The following DDX5 variants were observed in gnomAD, a reference collection of about 807,000 sequenced individuals.
DDX5 encodes the protein DEAD-box helicase 5, also known as probable ATP-dependent RNA helicase DDX5.
Under a neutral mutation model 68.6 loss-of-function variants are expected in DDX5, and 6 were observed. The observed-to-expected ratio is 0.09, with a 90% confidence interval of 0.05 to 0.17. The LOEUF (loss-of-function observed/expected upper bound fraction) is 0.17, where lower values mean the gene tolerates loss of function less well. Among genes scored for constraint, DDX5 ranks in the 10% least tolerant of loss-of-function variants. The probability of loss-of-function intolerance (pLI) is 1.00; values close to 1 mark genes in which losing one functional copy is unlikely to be tolerated. For missense variants in DDX5, 499 were observed against 756.1 expected (o/e 0.66, Z 3.99); for synonymous variants, 350 against 247.0 (o/e 1.42, Z -3.91).
Position 64,503,418 on chromosome 17 carries a change from T to C in DDX5, c.649+12A>G. On this transcript the variant is annotated intron_variant, in intron 6 of 12. Coordinates refer to ENST00000225792, the MANE Select transcript of DDX5 (RefSeq NM_004396.5). ...AGCACCAATGACAAATAAAACCCTT[T>C]TCATTACATACCTCTCTCCAAATCA... The C allele has an allele frequency of 6.2e-7, 1 of 1,614,122 alleles. No homozygotes were observed. Among genetic ancestry groups the C allele is most frequent in the African/African-American group, 1.3e-5 (1 of 75,048 alleles).
rs1555672284 is a variant in DDX5 at position 64,505,832 on chromosome 17, A to G, written c.44+244T>C. 4 of 1,536,068 alleles carry G rather than the reference A, an allele frequency of 2.6e-6. No homozygotes were observed. In the African/African-American group the frequency reaches 4.1e-5, roughly 16 times the overall value. On this transcript the variant is annotated intron_variant, in intron 1 of 12. Transcript: ENST00000225792. ...TCTCAACTCCCTCAACAGCTACCAA[A>G]TGGCAGCCGCCCCGACAGCTCCCCA...
Position 64,500,387 on chromosome 17 carries a change from G to GA in DDX5, c.1442-62dup. ...TCTATGACACAAATCATTGTGGACA[G>GA]AAAGAAACAGATCTATTCATGGTAG... On this transcript the variant is annotated intron_variant, in intron 12 of 12. Transcript: ENST00000225792. 4 of 1,552,478 alleles carry GA rather than the reference G, an allele frequency of 2.6e-6. No individual in the cohort carries two copies. In the East Asian group the frequency reaches 6.8e-5, roughly 26 times the overall value.
At chr17:64,506,837 T>C (rs541423737), upstream of DDX5, 31 of 599,650 alleles carry the variant, frequency 5.2e-5, 1 homozygote, top group African/African-American at 4.8e-4. Context: ...TGATAATCCT[T>C]TGACGGGTTT....
At position 64,503,066 on chromosome 17, in the gene DDX5, A is replaced by C; in HGVS notation, c.843T>G (p.Thr281=). 6.2e-7 allele frequency: 1 copy of C among 1,613,956 alleles called. No individual in the cohort carries two copies. The highest frequency in any genetic ancestry group is 8.5e-7 in the Non-Finnish European group (1 of 1,179,924). Residue 281 remains threonine, a synonymous_variant, in exon 8 of 13, where the codon ACT becomes ACG. Transcript: ENST00000225792. The part of the protein sequence containing the change: ...PDRQTLMWSA[T]WPKEVRQLAE... ...CAAGCTGTCTTACTTCTTTTGGCCA[A>C]GTCGCACTCCACATTAGAGTTTGCC...
Position 64,504,667 on chromosome 17 carries a change from A to C in DDX5, c.210+10T>G. 6.3e-7 allele frequency: 1 copy of C among 1,599,818 alleles called. No homozygotes were observed. Among genetic ancestry groups the C allele is most frequent in the Non-Finnish European group, 8.5e-7 (1 of 1,175,104 alleles). ...GTTACAGCCTGATGAAGCCACATGA[A>C]TTTACTCACTGCTGTGCGCCTAGCC... On this transcript the variant is annotated intron_variant, in intron 2 of 12. Coordinates refer to ENST00000225792, the MANE Select transcript of DDX5 (RefSeq NM_004396.5).
intron 11 of DDX5, chr17:64,501,060 T>G (rs1249654238): frequency 1.1e-5 from 5 of 467,818 alleles, no homozygotes; most frequent in Non-Finnish European, 1.5e-5. Context: ...CCCTTACAGA[T>G]CATCAAGTGA....
intron 2 of DDX5, 93 bp from the exon 3 acceptor site, chr17:64,504,411 CTAGTT>C (rs1234530294): frequency 7.6e-6 from 9 of 1,187,948 alleles, no homozygotes; most frequent in Admixed American, 3.9e-5. Context: ...AATTTAGTAA[CTAGTT>C]TAAAGTAGCC....
At position 64,504,040 on chromosome 17, in the gene DDX5, A is replaced by G. The variant is rs1555671623; in HGVS notation, c.384T>C (p.Ala128=). The G allele has an allele frequency of 6.2e-7, 1 of 1,614,214 alleles. No individual in the cohort carries two copies. Among genetic ancestry groups the G allele is most frequent in the South Asian group, 1.1e-5 (1 of 91,086 alleles). ...TAIQAQGWPV[A]LSGLDMVGVA... is the part of the protein sequence containing the mutation. ...CTCCAACCATATCCAATCCACTTAG[A>G]GCAACTGGCCATCCCTGAGCTTGAA... Residue 128 remains alanine (A), a synonymous_variant, in exon 4 of 13, where the codon GCT becomes GCC. Transcript: ENST00000225792.
At position 64,502,235 on chromosome 17, in the gene DDX5, GA is replaced by G. The variant is rs782163985; in HGVS notation, c.1095-13del. On this transcript the variant is annotated splice_polypyrimidine_tract_variant and intron_variant, in intron 9 of 12. Coordinates refer to ENST00000225792, the MANE Select transcript of DDX5 (RefSeq NM_004396.5). ...CCATGGCAGGCCACCTAAGTTAAAA[GA>G]CAAGTTGTGTTATTAAACTCACATT... 1 of 1,613,560 alleles carries G rather than the reference GA, an allele frequency of 6.2e-7. No individual in the cohort carries two copies. The highest frequency in any genetic ancestry group is 8.5e-7 in the Non-Finnish European group (1 of 1,179,868).
Position 64,503,549 on chromosome 17 carries a change from C to T in DDX5, c.530G>A (p.Arg177Gln). The part of the protein sequence containing the change: ...GPICLVLAPT[R>Q]ELAQQVQQVA... ...TTGCTGCACCTGTTGGGCCAGTTCC[C>T]GAGTTGGTGCCAGCACCAAACACTA... is the stretch of plus-strand genomic sequence containing the variant. The change falls in exon 6 of 13, where the codon CGG becomes CAG. Residue 177 changes from arginine to glutamine, a missense_variant. Coordinates refer to ENST00000225792, the MANE Select transcript of DDX5 (RefSeq NM_004396.5). The T allele has an allele frequency of 6.2e-7, 1 of 1,614,194 alleles. No homozygotes were observed. The highest frequency in any genetic ancestry group is 8.5e-7 in the Non-Finnish European group (1 of 1,180,038).
chr17:64,505,867 C>G (rs1294983991), intron 1 of DDX5: 11 of 1,535,878 alleles, frequency 7.2e-6, no homozygotes, highest in South Asian at 1.2e-5. Flanking sequence ...AATCCCCACA[C>G]AAAAAGCAAG....
rs2038313334 is a variant in DDX5 at position 64,502,181 on chromosome 17, C to T, written c.1137G>A (p.Glu379=). The part of the protein sequence containing the change: ...MGIHGDKSQQ[E]RDWVLNEFKH... ...ATTTACCATTTAGAACCCAGTCACG[C>T]TCTTGTTGACTCTTGTCACCATGGA... Residue 379 remains glutamate (E), a synonymous_variant, in exon 10 of 13, where the codon GAG becomes GAA. Coordinates refer to ENST00000225792, the MANE Select transcript of DDX5 (RefSeq NM_004396.5). 2 of 1,614,142 alleles carry T rather than the reference C, an allele frequency of 1.2e-6. No homozygotes were observed. The highest frequency in any genetic ancestry group is 1.3e-5 in the African/African-American group (1 of 75,060).
At position 64,502,860 on chromosome 17, in the gene DDX5, CAAT is replaced by C. The variant is rs2038334534; in HGVS notation, c.983+63_983+65del. Reference sequence around the variant, plus strand: ...AAATAACCTAAAACAACTCACCAAACAATGATCCCTCAATTTTACAGCAAAGTT... The same window carrying C: ...AAATAACCTAAAACAACTCACCAAACGATCCCTCAATTTTACAGCAAAGTT... On this transcript the variant is annotated intron_variant, in intron 8 of 12. Transcript: ENST00000225792. The C allele has an allele frequency of 5.5e-6, 8 of 1,449,246 alleles. No individual in the cohort carries two copies. In the South Asian group the frequency reaches 8.3e-5, roughly 15 times the overall value. 89.8% of individuals were successfully genotyped at this position (1,449,246 alleles called of 1,614,324 possible). A position where few individuals can be genotyped will look rare whatever the true frequency, so the allele number is the denominator to read the frequency against.
Position 64,498,636 on chromosome 17 carries a change from CAATT to C in DDX5, c.*1283_*1286del, listed in dbSNP as rs1164740088. On this transcript the variant is annotated 3_prime_UTR_variant, in exon 13 of 13. Coordinates refer to ENST00000225792, the MANE Select transcript of DDX5 (RefSeq NM_004396.5). Reference sequence around the variant, plus strand: ...TACATTTGACATAAGGCATTAACATCAATTAAAGCCTCAGTTTAATAATCAGAAT... The same window carrying C: ...TACATTTGACATAAGGCATTAACATCAAAGCCTCAGTTTAATAATCAGAAT... 6.6e-6 allele frequency among the ~76,000 whole-genome samples: 1 copy of C among 152,096 alleles called. No individual in the cohort carries two copies. The highest frequency in any genetic ancestry group is 2.4e-5 in the African/African-American group (1 of 41,424).
At chr17:64,502,734 A>T in intron 8 of DDX5, 185 bp from the exon 9 acceptor site, 1 of 729,590 alleles carries the variant, frequency 1.4e-6, no homozygotes, top group Non-Finnish European at 2.2e-6. Flanking sequence ...GGACACATGA[A>T]TTCCTTCTAT....
At chr17:64,500,470 C>T (rs2038270576) in intron 12 of DDX5, 79 bp downstream of exon 12, 3 of 1,516,020 alleles carry the variant, frequency 2.0e-6, no homozygotes, top group Admixed American at 1.9e-5. Context: ...GTTTTACTCA[C>T]CCTCCAATAC....
At position 64,503,168 on chromosome 17, in the gene DDX5, A is replaced by T. The variant is rs201304248; in HGVS notation, c.810+20T>A. The T allele has an allele frequency of 6.2e-7, 1 of 1,613,442 alleles. No individual in the cohort carries two copies. Among genetic ancestry groups the T allele is most frequent in the Admixed American group, 1.7e-5 (1 of 59,942 alleles). On this transcript the variant is annotated intron_variant, in intron 7 of 12. Coordinates refer to ENST00000225792, the MANE Select transcript of DDX5 (RefSeq NM_004396.5). Reference sequence around the variant, plus strand: ...TGAAAACACAATTCAGTTTGATCACATATTTCAAAGGACACTTACTCTTAT... The same window carrying T: ...TGAAAACACAATTCAGTTTGATCACTTATTTCAAAGGACACTTACTCTTAT...
At chr17:64,500,369 C>T (rs2038267007) in intron 12 of DDX5, 43 bp from the exon 13 acceptor site, 1 of 1,569,978 alleles carries the variant, frequency 6.4e-7, no homozygotes, top group African/African-American at 1.4e-5. Context: ...ATGTCTATGA[C>T]ACAAATCATT....
chr17:64,506,557 T>C, upstream of DDX5: 2 of 460,636 alleles, frequency 4.3e-6, no homozygotes, highest in African/African-American at 2.0e-5. Flanking sequence ...ACCCCGCCCT[T>C]TCCCAAGCCC....
Sources: gnomAD v4.1 joint callset for allele counts (sites outside exome capture counted in the v4.1 genomes callset) on GRCh38, gnomAD v4.1.1 for gene constraint, MANE v1.5 for transcripts, NCBI Gene and HGNC (gene_info 2026-07-23, HGNC 2026-07-21) for gene names.